Variants in TMEM116 observed in about 807,000 individuals in gnomAD.
The protein encoded by TMEM116 is transmembrane protein 116.
A neutral mutation model predicts 44.3 loss-of-function variants in TMEM116; 38 were observed. The ratio of observed to expected loss-of-function variants is 0.86; its 90% CI spans 0.66 to 1.12. TMEM116 has a LOEUF of 1.12. Among genes scored for constraint, TMEM116 ranks in the 50% most tolerant of loss-of-function variants. TMEM116 has a pLI of 0.00. For synonymous variants in TMEM116, 132 were observed against 144.8 expected, an observed-to-expected ratio of 0.91 and a Z score of 0.64; for missense variants, 354 against 401.7, an observed-to-expected ratio of 0.88 and a Z score of 1.01.
At chr12:111,965,731 C>T (rs1344733637) in intron 4 of TMEM116, 3 of 391,710 alleles carry the variant, frequency 7.7e-6, no homozygotes, top group Non-Finnish European at 1.5e-5. Flanking sequence ...CAGGACCAGC[C>T]TGGCAAACAT....
chr12:112,005,448 A>C, intron 1 of TMEM116, 145 bp from the exon 2 acceptor site: 2 of 560,382 alleles, frequency 3.6e-6, no homozygotes, highest in Non-Finnish European at 5.3e-6. Context: ...ATGAGTTAAA[A>C]GGCTGAACAG....
chr12:111,940,552 CACATAT>C (rs1210643232), intron 5 of TMEM116, among the ~76,000 whole-genome samples: 1,945 of 129,414 alleles, frequency 0.015, 33 homozygotes, highest in Admixed American at 0.03. Flanking sequence ...TATACACACA[CACATAT>C]ATATGTGTGT....
chr12:111,940,648 T>C (rs183913247), intron 5 of TMEM116, among the ~76,000 whole-genome samples: 4 of 151,636 alleles, frequency 2.6e-5, no homozygotes, highest in Admixed American at 2.6e-4. Context: ...AGAAGTACAG[T>C]ATATGCATTT....
chr12:111,942,442 T>C (rs2072914941), intron 5 of TMEM116, among the ~76,000 whole-genome samples: 1 of 152,014 alleles, frequency 6.6e-6, no homozygotes, highest in Admixed American at 6.6e-5. Flanking sequence ...CTGGCTAATT[T>C]TTTGTATTTT....
At chr12:111,936,134 T>G (rs1373851176) in intron 8 of TMEM116, 2 of 152,186 alleles carry the variant, frequency 1.3e-5, no homozygotes, top group Non-Finnish European at 2.9e-5. Flanking sequence ...TATTTGCTCA[T>G]TTACTGCTTT....
intron 4 of TMEM116, among the ~76,000 whole-genome samples, chr12:111,964,731 A>G (rs888846456): frequency 2.6e-5 from 4 of 152,330 alleles, no homozygotes; most frequent in Non-Finnish European, 5.9e-5. Flanking sequence ...TATGTTACCC[A>G]GGCTGAAGTG....
intron 4 of TMEM116, among the ~76,000 whole-genome samples, chr12:111,976,349 G>GC (rs1015175298): frequency 1.3e-4 from 19 of 151,678 alleles, no homozygotes; most frequent in African/African-American, 3.9e-4. Flanking sequence ...ATTAAATACA[G>GC]CCCAGCTCCT....
chr12:111,991,836 C>A lies in TMEM116; in HGVS notation c.132G>T (p.Trp44Cys). The A allele has an allele frequency of 6.5e-7, 1 of 1,536,042 alleles. No homozygotes were observed. The highest frequency in any genetic ancestry group is 8.7e-7 in the Non-Finnish European group (1 of 1,146,680). Residue 44 changes from tryptophan to cysteine, a missense_variant, in exon 4 of 11, where the codon TGG becomes TGT. Trp to Cys is a radical substitution (Grantham distance 215). Transcript: ENST00000552374. ...CTCCATAGAGAAGTGTCTCCGTGAG[C>A]CAGCAAAGTCCCAGGAGCAGGTCAC... ...SFCDLLLGLCWLTETLLYGAS... is the reference protein window; with the variant it reads ...SFCDLLLGLCCLTETLLYGAS...
chr12:111,953,980 T>C (rs533513516), intron 4 of TMEM116, among the ~76,000 whole-genome samples: 1 of 152,324 alleles, frequency 6.6e-6, no homozygotes, highest in African/African-American at 2.4e-5. Flanking sequence ...ATAAAAATAC[T>C]ATCATATTTT....
At chr12:111,986,404 T>C (rs2076230929) in intron 4 of TMEM116, among the ~76,000 whole-genome samples, 1 of 151,854 alleles carries the variant, frequency 6.6e-6, no homozygotes. Context: ...ACTTTCCAGT[T>C]TCATATAGAC....
intron 4 of TMEM116, among the ~76,000 whole-genome samples, chr12:111,982,497 T>C (rs554174133): frequency 3.3e-5 from 5 of 152,152 alleles, no homozygotes; most frequent in Non-Finnish European, 7.4e-5. Context: ...GATGGGGTTT[T>C]ACCGTGTTGT....
chr12:111,993,274 AC>A, intron 3 of TMEM116: 1 of 456,516 alleles, frequency 2.2e-6, no homozygotes. Flanking sequence ...ATGCAGGTGG[AC>A]CCCCAAAAGT....
rs1475620244 is a variant in TMEM116, at chr12:111,975,668, G to GA, written c.210+16089dup. On this transcript the variant is annotated intron_variant, in intron 4 of 10. Transcript: ENST00000552374. ...GTCACCACTCCTATCCTTATAGCAAGAAAAAAGCCAAATAGACTTGCCTTC... is the reference window on the plus strand; with the variant it reads ...GTCACCACTCCTATCCTTATAGCAAGAAAAAAAGCCAAATAGACTTGCCTTC... Among the ~76,000 whole-genome samples the GA allele has an allele frequency of 5.3e-5, 8 of 152,022 alleles. 1 individual carries two copies. In the East Asian group the frequency reaches 1.3e-3, roughly 26 times the overall value.
rs377272808 is a variant in TMEM116, at chr12:111,937,580, G to T, written c.366-337C>A. Among the ~76,000 whole-genome samples the T allele has an allele frequency of 2.4e-4, 37 of 152,272 alleles. 1 individual carries two copies. In the East Asian group the frequency reaches 2.9e-3, roughly 12 times the overall value. Reference sequence around the variant, plus strand: ...TACTAAGGAGTTCTGTGTGCAGTCTGTTTTACTTTCTATGGTGACCAGGGA... The same window carrying T: ...TACTAAGGAGTTCTGTGTGCAGTCTTTTTTACTTTCTATGGTGACCAGGGA... On this transcript the variant is annotated intron_variant, in intron 6 of 10. Transcript: ENST00000552374.
chr12:111,946,158 C>T (rs1358819664), intron 4 of TMEM116, among the ~76,000 whole-genome samples: 1 of 152,138 alleles, frequency 6.6e-6, no homozygotes, highest in African/African-American at 2.4e-5. Flanking sequence ...TTCCATGTAA[C>T]CAGACAATTT....
At chr12:111,937,277 A>C (rs371158858) in intron 6 of TMEM116, 34 bp from the exon 7 acceptor site, 1 of 1,520,790 alleles carries the variant, frequency 6.6e-7, no homozygotes, top group African/African-American at 1.4e-5. Context: ...CCTAATATCC[A>C]CTCTTTTTCA....
At chr12:111,958,662 T>C (rs1680619051) in intron 4 of TMEM116, among the ~76,000 whole-genome samples, 2 of 152,074 alleles carry the variant, frequency 1.3e-5, no homozygotes, top group South Asian at 2.1e-4. Context: ...AATGACCTGA[T>C]AGAGCTGAAA....
In TMEM116 at chr12:111,956,686, G is replaced by A. The variant is rs149455729; in HGVS notation, c.211-13317C>T. ...GCGCCGCCACACCTGACTGGTTTTC[G>A]TATTTTTTGGTGGAGACGGGGTTTC... On this transcript the variant is annotated intron_variant, in intron 4 of 10. Transcript: ENST00000552374. 2.9e-3 allele frequency among the ~76,000 whole-genome samples: 441 copies of A among 152,280 alleles called. 1 individual carries two copies. Among genetic ancestry groups the A allele is most frequent in the African/African-American group, 9.8e-3 (409 of 41,550 alleles).
intron 4 of TMEM116, among the ~76,000 whole-genome samples, chr12:111,975,415 C>G (rs879358820): frequency 1.3e-5 from 2 of 152,042 alleles, no homozygotes; most frequent in Non-Finnish European, 2.9e-5. Context: ...CTCAGCCTCC[C>G]AAAGTACTGG....
Sources: allele counts gnomAD v4.1 joint callset (sites outside exome capture counted in the v4.1 genomes callset), GRCh38; gene constraint gnomAD v4.1.1; transcripts MANE v1.5; gene names NCBI Gene and HGNC (gene_info 2026-07-23, HGNC 2026-07-21).